Variants in GOLGA2 observed in about 807,000 individuals in gnomAD.
GOLGA2 encodes the protein golgin subfamily A member 2.
A neutral mutation model predicts 148.8 loss-of-function variants in GOLGA2; 49 were observed. The ratio of observed to expected loss-of-function variants is 0.33; its 90% CI spans 0.26 to 0.42. The LOEUF (loss-of-function observed/expected upper bound fraction) is 0.42, where lower values mean the gene tolerates loss of function less well. Ranked by LOEUF, GOLGA2 falls within the 10% of genes least tolerant of loss-of-function variation. The pLI, the probability that GOLGA2 is intolerant of heterozygous loss-of-function variation, is 1.00. For missense variants in GOLGA2, 1,178 were observed against 1,304.6 expected (o/e 0.90, Z 1.49); for synonymous variants, 501 against 511.8 (o/e 0.98, Z 0.28).
rs534071401 is a variant in GOLGA2, at chr9:128,262,456, C to T, written c.1134+107G>A. ...TTATGCCAGGACCGGAACAAGGACC[C>T]AAATTTTCCAGCTCTTGGCTGGAGT... On this transcript the variant is annotated intron_variant, in intron 14 of 26. Transcript: ENST00000611957. 2.4e-4 allele frequency: 263 copies of T among 1,102,202 alleles called. 4 individuals carry two copies. The South Asian group carries it at 4.0e-3, about 17-fold the overall frequency. 68.3% of individuals were successfully genotyped at this position (1,102,202 alleles called of 1,614,324 possible).
rs1830941981 is a variant in GOLGA2 at position 128,271,457 on chromosome 9, T to C, written c.288+1328A>G. Among the ~76,000 whole-genome samples the C allele has an allele frequency of 6.6e-6, 1 of 152,136 alleles. No homozygotes were observed. ...GCAGGAAGGAGTCCCCCAGGTGAGT[T>C]AGAGATGGAAGAAATGCCAAATCAC... On this transcript the variant is annotated intron_variant, in intron 3 of 26. Coordinates refer to ENST00000611957, the MANE Select transcript of GOLGA2 (RefSeq NM_001366244.2). The surrounding 1 kb of genome is among the most constrained non-coding windows in gnomAD (Gnocchi z 4.4).
In GOLGA2 at chr9:128,257,866, C is replaced by G. The variant is rs567455134; in HGVS notation, c.2535G>C (p.Glu845Asp). 2 of 1,614,174 alleles carry G rather than the reference C, an allele frequency of 1.2e-6. No individual in the cohort carries two copies. The highest frequency in any genetic ancestry group is 2.7e-5 in the African/African-American group (2 of 75,056). Reference protein sequence around the residue: ...LQSRFMELMQEKADLKERVEE... With the variant: ...LQSRFMELMQDKADLKERVEE... ...CTACCCTCTCCTTCAGGTCTGCCTT[C>G]TCCTGCATGAGCTCCATAAAGCGGC... Residue 845 changes from glutamate (E) to aspartate (D), a missense_variant, in exon 24 of 27, where the codon GAG becomes GAC. Physicochemically the swap from Glu to Asp is conservative, Grantham distance 45. Coordinates refer to ENST00000611957, the MANE Select transcript of GOLGA2 (RefSeq NM_001366244.2). This position sits in a 1 kb window ranked among gnomAD's most constrained non-coding sequence, Gnocchi z 8.0.
At chr9:128,275,558 G>T in intron 1 of GOLGA2, 2 of 1,226,988 alleles carry the variant, frequency 1.6e-6, no homozygotes, top group Admixed American at 3.8e-5. Context: ...ACTGGCGAGG[G>T]CAGGGGCTGA....
In GOLGA2 at chr9:128,260,425, G is replaced by T; in HGVS notation, c.1758+40C>A. ...AGGTGGGAAAACAAAGGTCTGGAGGGCTAGGGAGGAGGGCGGGCTCTCCAG... is the reference window on the plus strand; with the variant it reads ...AGGTGGGAAAACAAAGGTCTGGAGGTCTAGGGAGGAGGGCGGGCTCTCCAG... On this transcript the variant is annotated intron_variant, in intron 18 of 26. Coordinates refer to ENST00000611957, the MANE Select transcript of GOLGA2 (RefSeq NM_001366244.2). The surrounding 1 kb of genome is among the most constrained non-coding windows in gnomAD (Gnocchi z 4.8). 6.6e-7 allele frequency: 1 copy of T among 1,514,152 alleles called. No individual in the cohort carries two copies. 93.8% of individuals were successfully genotyped at this position (1,514,152 alleles called of 1,614,324 possible).
At chr9:128,265,530 C>T in intron 12 of GOLGA2, 55 bp downstream of exon 12, 2 of 1,284,008 alleles carry the variant, frequency 1.6e-6, no homozygotes, top group South Asian at 2.4e-5. Context: ...TTTAGGCTCA[C>T]TCCTCCATCT....
At chr9:128,275,510 C>T in intron 1 of GOLGA2, 1 of 1,309,090 alleles carries the variant, frequency 7.6e-7, no homozygotes, top group Non-Finnish European at 9.8e-7. Context: ...AGGGTCGAGT[C>T]TGGAGCGGGG....
Position 128,266,171 on chromosome 9 carries a change from G to A in GOLGA2, c.681+116C>T, listed in dbSNP as rs1830584975. On this transcript the variant is annotated intron_variant, in intron 9 of 26. Transcript: ENST00000611957. This position sits in a 1 kb window ranked among gnomAD's most constrained non-coding sequence, Gnocchi z 4.2. ...CCTGTGGGGATGGGGTGGAATCTGG[G>A]GGGGTGAGCCTTCTTCCCCAGGCTG... 10 of 1,371,204 alleles carry A rather than the reference G, an allele frequency of 7.3e-6. No homozygotes were observed. In the East Asian group the frequency reaches 2.1e-4, roughly 28 times the overall value. The allele number at this position is 1,371,204 out of a possible 1,614,324, so 84.9% of individuals were successfully genotyped here.
At position 128,265,808 on chromosome 9, in the gene GOLGA2, T is replaced by C; in HGVS notation, c.806A>G (p.His269Arg). The C allele has an allele frequency of 6.2e-7, 1 of 1,613,830 alleles. No homozygotes were observed. The highest frequency in any genetic ancestry group is 8.5e-7 in the Non-Finnish European group (1 of 1,179,640). ...ELQTALAHTQ[H>R]AARQKEGESE... ...CCCACCTTCTTTCTGCCTGGCAGCATGCTGAGTGTGAGCCAGGGCTGTCTG... is the reference window on the plus strand; with the variant it reads ...CCCACCTTCTTTCTGCCTGGCAGCACGCTGAGTGTGAGCCAGGGCTGTCTG... The change falls in exon 11 of 27, where the codon CAT becomes CGT. Residue 269 changes from histidine to arginine, a missense_variant. By Grantham distance (29) the His-to-Arg change is conservative. Transcript: ENST00000611957.
At position 128,260,976 on chromosome 9, in the gene GOLGA2, C is replaced by A. The variant is rs1408089901; in HGVS notation, c.1421-174G>T. 1.7e-5 allele frequency: 11 copies of A among 660,598 alleles called. No homozygotes were observed. The highest frequency in any genetic ancestry group is 2.9e-5 in the Non-Finnish European group (11 of 376,524). 40.9% of individuals were successfully genotyped at this position (660,598 alleles called of 1,614,324 possible). A position where few individuals can be genotyped will look rare whatever the true frequency, so the allele number is the denominator to read the frequency against. On this transcript the variant is annotated intron_variant, in intron 17 of 26. Coordinates refer to ENST00000611957, the MANE Select transcript of GOLGA2 (RefSeq NM_001366244.2). The surrounding 1 kb of genome is among the most constrained non-coding windows in gnomAD (Gnocchi z 4.8). ...GATAGCGACAACTGTGGGTGGCTGA[C>A]AACGGGCACTCCTTCGTCTTTGCTG...
At chr9:128,264,277 C>T (rs1830462160) in intron 12 of GOLGA2, among the ~76,000 whole-genome samples, 1 of 150,292 alleles carries the variant, frequency 6.7e-6, no homozygotes, top group South Asian at 2.1e-4. Flanking sequence ...ATCTGTCACC[C>T]AGGCTGGAGT....
In GOLGA2 at chr9:128,261,652, C is replaced by T; in HGVS notation, c.1224+16G>A. On this transcript the variant is annotated intron_variant, in intron 15 of 26. Coordinates refer to ENST00000611957, the MANE Select transcript of GOLGA2 (RefSeq NM_001366244.2). The surrounding 1 kb of genome is among the most constrained non-coding windows in gnomAD (Gnocchi z 5.7). ...GGGTCATCTTCCTTCTACATCCCTC[C>T]CCTGCAAAGCCTCACCTGCCCCAGG... 6.3e-7 allele frequency: 1 copy of T among 1,580,534 alleles called. No homozygotes were observed. The highest frequency in any genetic ancestry group is 8.7e-7 in the Non-Finnish European group (1 of 1,149,326).
chr9:128,264,304 G>C (rs1830464142), intron 12 of GOLGA2, among the ~76,000 whole-genome samples: 1 of 148,800 alleles, frequency 6.7e-6, no homozygotes, highest in Admixed American at 6.7e-5. Context: ...GCGCCATCTT[G>C]GCTCACTGCA....
At position 128,260,789 on chromosome 9, in the gene GOLGA2, G is replaced by A; in HGVS notation, c.1434C>T (p.Pro478=). Residue 478 remains proline, a synonymous_variant, in exon 18 of 27, where the codon CCC becomes CCT. Transcript: ENST00000611957. The surrounding 1 kb of genome is among the most constrained non-coding windows in gnomAD (Gnocchi z 4.8). ...CGGAGGGCCCTGCTGGGGGCTCTGG[G>A]GGCGGGGGTTCAGCTGAGAAAGGAC... The part of the protein sequence containing the change: ...ELRNQMAEPP[P]PEPPAGPSEV... 6.2e-7 allele frequency: 1 copy of A among 1,605,752 alleles called. No individual in the cohort carries two copies. The highest frequency in any genetic ancestry group is 1.1e-5 in the South Asian group (1 of 90,856).
chr9:128,258,012 G>C lies in GOLGA2; in HGVS notation c.2476C>G (p.Arg826Gly), dbSNP rs573873357. The change falls in exon 23 of 27, where the codon CGG becomes GGG. Residue 826 changes from arginine to glycine, a missense_variant. Arg to Gly is a moderately radical substitution (Grantham distance 125, BLOSUM62 -2). This residue lies in a region of GOLGA2 where 529 missense variants were observed against 521.8 expected (regional missense o/e 1.01). Coordinates refer to ENST00000611957, the MANE Select transcript of GOLGA2 (RefSeq NM_001366244.2). This position sits in a 1 kb window ranked among gnomAD's most constrained non-coding sequence, Gnocchi z 6.6. ...TTCTCCATGGCCCCCTGCAGGGCCC[G>C]GTGGGTCTCCCCACACACAGAATCA... ...GGDSVCGETH[R>G]ALQGAMEKLQ... 4 of 1,603,314 alleles carry C rather than the reference G, an allele frequency of 2.5e-6. No individual in the cohort carries two copies. The Admixed American group carries it at 5.1e-5, about 20-fold the overall frequency.
At chr9:128,275,800 T>C (rs1435401046) in intron 1 of GOLGA2, 93 bp downstream of exon 1, 1 of 688,640 alleles carries the variant, frequency 1.5e-6, no homozygotes, top group East Asian at 3.2e-5. Context: ...CCCAGCCCGG[T>C]GTGCCTCAGG....
intron 12 of GOLGA2, among the ~76,000 whole-genome samples, chr9:128,263,478 C>T (rs1830399903): frequency 1.3e-5 from 2 of 152,058 alleles, no homozygotes; most frequent in South Asian, 2.1e-4. Flanking sequence ...AGTGCAGTGG[C>T]GCAATTTCGG....
chr9:128,263,456 T>TGCCCAGGCTG (rs1830398742), intron 12 of GOLGA2, among the ~76,000 whole-genome samples: 2 of 152,088 alleles, frequency 1.3e-5, no homozygotes, highest in African/African-American at 4.8e-5. Flanking sequence ...GAGTCTCTGT[T>TGCCCAGGCTG]GCCCAGGCTG....
chr9:128,259,175 C>T lies in GOLGA2; in HGVS notation c.2089G>A (p.Glu697Lys). ...VAEMARQELQ[E>K]TQERLEAATQ... Reference sequence around the variant, plus strand: ...CTCACCAACTCCCTCACCTGGGTTTCCTGCAACTCTTGGCGGGCCATCTCG... The same window carrying T: ...CTCACCAACTCCCTCACCTGGGTTTTCTGCAACTCTTGGCGGGCCATCTCG... The change falls in exon 20 of 27, where the codon GAA (glutamate) becomes AAA (lysine). Residue 697 changes from glutamate (E) to lysine (K), a missense_variant. Coordinates refer to ENST00000611957, the MANE Select transcript of GOLGA2 (RefSeq NM_001366244.2). 1 of 1,603,326 alleles carries T rather than the reference C, an allele frequency of 6.2e-7. No individual in the cohort carries two copies. Among genetic ancestry groups the T allele is most frequent in the Non-Finnish European group, 8.5e-7 (1 of 1,173,912 alleles).
At chr9:128,267,078 A>G in intron 8 of GOLGA2, 116 bp downstream of exon 8, 1 of 783,712 alleles carries the variant, frequency 1.3e-6, no homozygotes, top group Non-Finnish European at 2.3e-6. Flanking sequence ...TGGGCCCCCC[A>G]GCTCCCCATT....
Sources: gnomAD v4.1 joint callset for allele counts (sites outside exome capture counted in the v4.1 genomes callset) on GRCh38, gnomAD v4.1.1 for gene constraint, gnomAD v4.1.1 regional missense constraint, Gnocchi (gnomAD v3.1) non-coding constraint, MANE v1.5 for transcripts, NCBI Gene and HGNC (gene_info 2026-07-23, HGNC 2026-07-21) for gene names.